The following ITFG1 variants were observed in gnomAD, a reference collection of about 807,000 sequenced individuals.
ITFG1 encodes integrin alpha FG-GAP repeat containing 1, also known as T-cell immunomodulatory protein.
ITFG1 carries 34 observed loss-of-function variants against 81.8 expected under a neutral mutation model. That is an observed-to-expected ratio of 0.42 (90% CI 0.32 to 0.55). ITFG1 has a LOEUF of 0.55. Among genes scored for constraint, ITFG1 ranks in the 20% least tolerant of loss-of-function variants. The pLI is 0.17. For synonymous variants in ITFG1, 285 were observed against 270.6 expected, an observed-to-expected ratio of 1.05 and a Z score of -0.52; for missense variants, 672 against 755.4, an observed-to-expected ratio of 0.89 and a Z score of 1.29.
intron 6 of ITFG1, among the ~76,000 whole-genome samples, chr16:47,401,354 AT>A (rs1206111346): frequency 6.6e-6 from 1 of 152,202 alleles, no homozygotes; most frequent in African/African-American, 2.4e-5. Context: ...AGATACATAA[AT>A]TTGGGAGCTG....
At chr16:47,198,545 T>C (rs1470185597) in intron 14 of ITFG1, among the ~76,000 whole-genome samples, 1 of 152,244 alleles carries the variant, frequency 6.6e-6, no homozygotes, top group Non-Finnish European at 1.5e-5. Flanking sequence ...CTTTTAATCA[T>C]TCTTTTAGGG....
chr16:47,413,467 G>C (rs912574487), intron 6 of ITFG1, among the ~76,000 whole-genome samples: 5 of 152,296 alleles, frequency 3.3e-5, no homozygotes, highest in African/African-American at 1.2e-4. Context: ...GGCCAAGGTG[G>C]ACAGATCACT....
chr16:47,179,266 A>C (rs1441155215), intron 14 of ITFG1, among the ~76,000 whole-genome samples: 3 of 152,264 alleles, frequency 2.0e-5, no homozygotes, highest in Admixed American at 6.5e-5. Flanking sequence ...TGCTATAAAG[A>C]CACATGCGCA....
intron 10 of ITFG1, among the ~76,000 whole-genome samples, chr16:47,307,375 T>C (rs1404719244): frequency 6.6e-6 from 1 of 152,138 alleles, no homozygotes; most frequent in African/African-American, 2.4e-5. Flanking sequence ...TCTCACTGTC[T>C]ACAGAGGTTT....
At chr16:47,429,437 T>C (rs548445934) in intron 5 of ITFG1, among the ~76,000 whole-genome samples, 1 of 152,362 alleles carries the variant, frequency 6.6e-6, no homozygotes, top group South Asian at 2.1e-4. Context: ...TCTTTAATTC[T>C]TTTTGGTATA....
chr16:47,376,802 C>A (rs569275888), intron 6 of ITFG1, among the ~76,000 whole-genome samples: 1 of 151,966 alleles, frequency 6.6e-6, no homozygotes, highest in African/African-American at 2.4e-5. Context: ...AACCCCATCG[C>A]TACTAAAAAT....
chr16:47,323,589 A>C (rs544610752), intron 8 of ITFG1, among the ~76,000 whole-genome samples: 10 of 152,200 alleles, frequency 6.6e-5, no homozygotes, highest in Non-Finnish European at 1.3e-4. Context: ...TATAAGTAAC[A>C]ATGGAATAAG....
chr16:47,311,255 T>C lies in ITFG1; in HGVS notation c.1055A>G (p.Lys352Arg), dbSNP rs1429950935. The stretch of plus-strand genomic sequence containing the variant: ...ATTTCCTTACCTTCCAGATGTGTTC[T>C]TTAGTATGACCAGAGCGTCTGGATA... ...DGYPDALVIL[K>R]NTSGSNQQAF... The change falls in exon 10 of 18, where the codon AAG becomes AGG. Residue 352 changes from lysine to arginine, a missense_variant. Lys to Arg is a conservative substitution (Grantham distance 26). This residue lies in a region of ITFG1 where 560 missense variants were observed against 625.7 expected (regional missense o/e 0.90). Transcript: ENST00000320640. 7 of 1,607,986 alleles carry C rather than the reference T, an allele frequency of 4.4e-6. No homozygotes were observed. The African/African-American group carries it at 8.0e-5, about 18-fold the overall frequency.
intron 8 of ITFG1, among the ~76,000 whole-genome samples, chr16:47,327,047 A>C (rs189117772): frequency 6.6e-5 from 10 of 152,214 alleles, no homozygotes; most frequent in Admixed American, 1.3e-4. Flanking sequence ...AGAAAGGTGG[A>C]GGCATCACGC....
At chr16:47,236,237 A>G (rs1174170727) in intron 13 of ITFG1, among the ~76,000 whole-genome samples, 1 of 152,146 alleles carries the variant, frequency 6.6e-6, no homozygotes, top group Non-Finnish European at 1.5e-5. Context: ...GCACTTTGGG[A>G]GGCTGAGGCA....
intron 2 of ITFG1, 36 bp from the exon 3 acceptor site, chr16:47,454,194 T>C (rs1969423583): frequency 1.3e-6 from 2 of 1,533,686 alleles, no homozygotes; most frequent in Admixed American, 1.9e-5. Flanking sequence ...ATCAGACAAG[T>C]TGTAATGGAA....
At chr16:47,222,852 G>C (rs1965710794) in intron 13 of ITFG1, among the ~76,000 whole-genome samples, 1 of 152,200 alleles carries the variant, frequency 6.6e-6, no homozygotes. Context: ...AATAGGTGTG[G>C]TGTGGTGCTG....
intron 6 of ITFG1, among the ~76,000 whole-genome samples, chr16:47,423,406 T>G (rs1968977350): frequency 6.6e-6 from 1 of 152,200 alleles, no homozygotes; most frequent in Non-Finnish European, 1.5e-5. Context: ...TCTGTGTCTT[T>G]AAACTGGGGC....
At chr16:47,324,765 A>C (rs1172740227) in intron 8 of ITFG1, among the ~76,000 whole-genome samples, 2 of 152,244 alleles carry the variant, frequency 1.3e-5, no homozygotes, top group Non-Finnish European at 2.9e-5. Context: ...AAAGGGATCA[A>C]TTCAACAAGA....
chr16:47,385,509 T>C (rs983694118), intron 6 of ITFG1, among the ~76,000 whole-genome samples: 2 of 152,314 alleles, frequency 1.3e-5, no homozygotes, highest in South Asian at 2.1e-4. Flanking sequence ...ACAAGTATAA[T>C]AGTGATTAAA....
At chr16:47,455,191 C>A (rs1969436259) in intron 2 of ITFG1, among the ~76,000 whole-genome samples, 1 of 152,196 alleles carries the variant, frequency 6.6e-6, no homozygotes, top group African/African-American at 2.4e-5. Context: ...AGATAGTAGA[C>A]TAGTCCCACT....
At chr16:47,433,965 C>T (rs1969130315) in intron 5 of ITFG1, among the ~76,000 whole-genome samples, 1 of 141,138 alleles carries the variant, frequency 7.1e-6, no homozygotes, top group Non-Finnish European at 1.5e-5. Context: ...ATTCATTAAT[C>T]CTTCTACCGT....
intron 8 of ITFG1, among the ~76,000 whole-genome samples, chr16:47,325,508 C>A (rs1382542666): frequency 6.6e-6 from 1 of 152,040 alleles, no homozygotes; most frequent in Non-Finnish European, 1.5e-5. Flanking sequence ...ACACAAAAAA[C>A]CCTTCAAAAA....
intron 5 of ITFG1, among the ~76,000 whole-genome samples, chr16:47,447,480 A>T (rs1055298603): frequency 6.6e-6 from 1 of 152,214 alleles, no homozygotes; most frequent in Non-Finnish European, 1.5e-5. Flanking sequence ...CATAAAATAA[A>T]GCAGTATAAG....
Sources: allele counts gnomAD v4.1 joint callset (sites outside exome capture counted in the v4.1 genomes callset), GRCh38; gene constraint gnomAD v4.1.1; regional missense constraint gnomAD v4.1.1; transcripts MANE v1.5; gene names NCBI Gene and HGNC (gene_info 2026-07-23, HGNC 2026-07-21).